VIT: variants seen among roughly 807,000 people sequenced by gnomAD.
VIT encodes vitrin.
A neutral mutation model predicts 78.0 loss-of-function variants in VIT; 99 were observed. The ratio of observed to expected loss-of-function variants is 1.27; its 90% CI spans 1.08 to 1.50. The LOEUF is 1.50. Ranked by LOEUF, VIT falls within the 40% of genes most tolerant of loss-of-function variation. The probability of loss-of-function intolerance (pLI) is 0.00; values close to 1 mark genes in which losing one functional copy is unlikely to be tolerated. For missense variants in VIT, 1,126 were observed against 875.3 expected (o/e 1.29, Z -3.61); for synonymous variants, 374 against 334.3 (o/e 1.12, Z -1.29).
intron 3 of VIT, among the ~76,000 whole-genome samples, chr2:36,742,382 T>G (rs1018232703): frequency 6.6e-6 from 1 of 152,174 alleles, no homozygotes; most frequent in Non-Finnish European, 1.5e-5. Context: ...CCCTGGATGC[T>G]CAGCCAGAGA....
chr2:36,715,273 C>G (rs1666055537), intron 1 of VIT, among the ~76,000 whole-genome samples: 1 of 152,192 alleles, frequency 6.6e-6, no homozygotes, highest in African/African-American at 2.4e-5. Context: ...GGCTCAGGGG[C>G]TCATGCCTGT....
intron 3 of VIT, among the ~76,000 whole-genome samples, chr2:36,737,309 C>A (rs1667567993): frequency 6.6e-6 from 1 of 152,118 alleles, no homozygotes; most frequent in Non-Finnish European, 1.5e-5. Context: ...GGAAATGCAG[C>A]TGGAAGGTGG....
At position 36,787,316 on chromosome 2, in the gene VIT, T is replaced by C. The variant is rs1248558539; in HGVS notation, c.1058+40T>C. On this transcript the variant is annotated intron_variant, in intron 12 of 15. Transcript: ENST00000379242. ...TGTTCTGAATCCAGAAAGGAAGTCA[T>C]GCCATGTGCTTAATTTTATGCCACG... 4 of 1,587,152 alleles carry C rather than the reference T, an allele frequency of 2.5e-6. No homozygotes were observed. The East Asian group carries it at 9.0e-5, about 36-fold the overall frequency.
chr2:36,784,544 T>C (rs1175306741), intron 11 of VIT, among the ~76,000 whole-genome samples: 1 of 152,218 alleles, frequency 6.6e-6, no homozygotes, highest in East Asian at 1.9e-4. Flanking sequence ...TTAGCAACCC[T>C]GATATGTACA....
intron 1 of VIT, among the ~76,000 whole-genome samples, chr2:36,698,884 C>A (rs1381129024): frequency 2.0e-5 from 3 of 151,680 alleles, no homozygotes; most frequent in Non-Finnish European, 2.9e-5. Context: ...GCAGAGGTTG[C>A]AGTGAGCTGA....
chr2:36,724,666 G>A (rs1215403131), intron 2 of VIT, among the ~76,000 whole-genome samples: 3 of 152,138 alleles, frequency 2.0e-5, no homozygotes, highest in Admixed American at 1.3e-4. Context: ...TTGTGCCATC[G>A]AAGATAATGA....
At chr2:36,800,272 G>A (rs1448670104) in intron 12 of VIT, among the ~76,000 whole-genome samples, 1 of 152,164 alleles carries the variant, frequency 6.6e-6, no homozygotes, top group Non-Finnish European at 1.5e-5. Flanking sequence ...TTGAACCCGG[G>A]CGGCAGAGGT....
At chr2:36,809,024 C>A (rs752817879) in intron 15 of VIT, 39 bp downstream of exon 15, 11 of 1,526,060 alleles carry the variant, frequency 7.2e-6, no homozygotes, top group Non-Finnish European at 9.7e-6. Flanking sequence ...GCTGAGGCTG[C>A]TTTCTGGGGC....
At chr2:36,739,137 T>G (rs1667679229) in intron 3 of VIT, among the ~76,000 whole-genome samples, 1 of 147,658 alleles carries the variant, frequency 6.8e-6, no homozygotes, top group Admixed American at 6.7e-5. Flanking sequence ...AAAGTTTTCA[T>G]ACATAAGTGA....
rs115239064 is a variant in VIT at position 36,713,820 on chromosome 2, G to T, written c.-18-2533G>T. Among the ~76,000 whole-genome samples the T allele has an allele frequency of 6.9e-3, 1,044 of 152,278 alleles. 14 individuals are homozygous for T. Among genetic ancestry groups the T allele is most frequent in the African/African-American group, 0.024 (1,002 of 41,554 alleles). On this transcript the variant is annotated intron_variant, in intron 1 of 15. Coordinates refer to ENST00000379242, the MANE Select transcript of VIT (RefSeq NM_053276.4). ...TTGAGTGGTAACAGCCAATTAATGG[G>T]GCTGCACAGGTGGGTCCGATAGGAC...
In VIT at chr2:36,716,929, T is replaced by C. The variant is rs62132530; in HGVS notation, c.52+507T>C. On this transcript the variant is annotated intron_variant, in intron 2 of 15. Transcript: ENST00000379242. ...TCTCACTCTCTTGCCCAGGCTGGAA[T>C]GCAGTGGAGTGATCTCGGCTCACTG... 4.0e-3 allele frequency among the ~76,000 whole-genome samples: 559 copies of C among 138,538 alleles called. 5 individuals carry two copies. Among genetic ancestry groups the C allele is most frequent in the Non-Finnish European group, 4.8e-3 (316 of 65,484 alleles). The allele number at this position is 138,538 out of a possible 152,430, so 90.9% of individuals were successfully genotyped here.
intron 12 of VIT, among the ~76,000 whole-genome samples, chr2:36,793,187 T>G (rs1265522852): frequency 2.6e-5 from 4 of 152,134 alleles, no homozygotes; most frequent in Admixed American, 2.6e-4. Flanking sequence ...CAGGAGTGGC[T>G]CTCAGATCAG....
chr2:36,762,498 G>A (rs1669185853), intron 6 of VIT, among the ~76,000 whole-genome samples: 1 of 152,184 alleles, frequency 6.6e-6, no homozygotes, highest in Admixed American at 6.5e-5. Context: ...GATTCTTGGG[G>A]ATAGAAGAGC....
intron 11 of VIT, among the ~76,000 whole-genome samples, chr2:36,784,877 C>T (rs1428735495): frequency 6.6e-6 from 1 of 152,224 alleles, no homozygotes; most frequent in Non-Finnish European, 1.5e-5. Context: ...ATGCCCTGAG[C>T]TGGAACCATT....
At chr2:36,772,865 C>T (rs375723790) in intron 7 of VIT, among the ~76,000 whole-genome samples, 5 of 152,294 alleles carry the variant, frequency 3.3e-5, no homozygotes, top group African/African-American at 9.6e-5. Context: ...CCCTTCATGA[C>T]ATTTGGTTAT....
rs542109691 is a variant in VIT, at chr2:36,811,373, A to G, written c.1903+2388A>G. Among the ~76,000 whole-genome samples the G allele has an allele frequency of 2.1e-3, 314 of 152,316 alleles. 1 individual carries two copies. The highest frequency in any genetic ancestry group is 3.7e-3 in the Non-Finnish European group (253 of 68,020). Reference sequence around the variant, plus strand: ...CTAGATGTACGTCTTTTGGGCCTCAATCAGAGGGTATCCTTGGCCTACTCA... The same window carrying G: ...CTAGATGTACGTCTTTTGGGCCTCAGTCAGAGGGTATCCTTGGCCTACTCA... On this transcript the variant is annotated intron_variant, in intron 15 of 15. Transcript: ENST00000379242.
intron 1 of VIT, among the ~76,000 whole-genome samples, chr2:36,708,968 G>T (rs1174018824): frequency 6.6e-6 from 1 of 152,072 alleles, no homozygotes. Context: ...TGACCAACAT[G>T]GTGAAACCTC....
intron 1 of VIT, among the ~76,000 whole-genome samples, chr2:36,708,328 T>C (rs530567166): frequency 2.3e-4 from 35 of 152,328 alleles, no homozygotes; most frequent in Admixed American, 2.2e-3. Context: ...TGTTTCCAGA[T>C]GGATACTGGC....
At chr2:36,799,951 G>C (rs1243297458) in intron 12 of VIT, among the ~76,000 whole-genome samples, 2 of 151,896 alleles carry the variant, frequency 1.3e-5, no homozygotes, top group African/African-American at 2.4e-5. Context: ...GGGAGACTGA[G>C]GCAGGAGAAT....
Sources: gnomAD v4.1 joint callset for allele counts (sites outside exome capture counted in the v4.1 genomes callset) on GRCh38, gnomAD v4.1.1 for gene constraint, MANE v1.5 for transcripts, NCBI Gene and HGNC (gene_info 2026-07-23, HGNC 2026-07-21) for gene names.